GPC6: variants seen among roughly 807,000 people sequenced by gnomAD.
GPC6 encodes the protein glypican 6, also known as glypican-6.
A neutral mutation model predicts 55.2 loss-of-function variants in GPC6; 14 were observed. That is an observed-to-expected ratio of 0.25 (90% confidence interval 0.17 to 0.40). GPC6 has a LOEUF of 0.40. GPC6 is among the 10% of genes least tolerant of loss of function. The pLI is 1.00. For synonymous variants in GPC6, 278 were observed against 259.6 expected (o/e 1.07, Z -0.68); for missense variants, 641 against 708.5 (o/e 0.90, Z 1.08).
intron 3 of GPC6, among the ~76,000 whole-genome samples, chr13:93,894,852 T>C (rs1190383461): frequency 6.6e-6 from 1 of 152,050 alleles, no homozygotes; most frequent in Non-Finnish European, 1.5e-5. Context: ...ACAACTAGTA[T>C]GTAAAATGAT....
chr13:94,113,033 A>G (rs1886306597), intron 4 of GPC6, among the ~76,000 whole-genome samples: 1 of 152,136 alleles, frequency 6.6e-6, no homozygotes, highest in Non-Finnish European at 1.5e-5. Flanking sequence ...AGAGCCTGTC[A>G]TAAAATGTTT....
chr13:93,922,278 G>A (rs1309659991), intron 3 of GPC6, among the ~76,000 whole-genome samples: 4 of 152,088 alleles, frequency 2.6e-5, no homozygotes, highest in Admixed American at 2.6e-4. Flanking sequence ...TCTAGTGGTT[G>A]CAGAGTGTCA....
At chr13:94,108,974 G>T (rs1209671452) in intron 4 of GPC6, among the ~76,000 whole-genome samples, 2 of 152,020 alleles carry the variant, frequency 1.3e-5, no homozygotes, top group Non-Finnish European at 2.9e-5. Context: ...TCTTCAACCA[G>T]CAGAAAATCC....
chr13:93,536,212 T>A (rs1252416188), intron 1 of GPC6, among the ~76,000 whole-genome samples: 2 of 152,150 alleles, frequency 1.3e-5, no homozygotes, highest in East Asian at 3.9e-4. Flanking sequence ...TTTCAATTTT[T>A]TACTTTTTAA....
At chr13:93,650,523 C>A (rs983458963) in intron 2 of GPC6, among the ~76,000 whole-genome samples, 5 of 151,810 alleles carry the variant, frequency 3.3e-5, no homozygotes, top group African/African-American at 1.2e-4. Flanking sequence ...CTTTCTAACA[C>A]ACTGGGAACA....
At chr13:93,285,743 G>A in intron 1 of GPC6, among the ~76,000 whole-genome samples, 1 of 151,178 alleles carries the variant, frequency 6.6e-6, no homozygotes, top group East Asian at 1.9e-4. Context: ...GCAAAACTCA[G>A]GATAGCTTTT....
intron 2 of GPC6, among the ~76,000 whole-genome samples, chr13:93,725,637 A>ACTGTG (rs1184876042): frequency 6.6e-6 from 1 of 152,012 alleles, no homozygotes; most frequent in Non-Finnish European, 1.5e-5. Flanking sequence ...CAGCCCCAAG[A>ACTGTG]CTGTGCATTA....
intron 3 of GPC6, chr13:94,025,534 C>T (rs1882865230): frequency 1.3e-5 from 2 of 152,038 alleles, no homozygotes; most frequent in South Asian, 4.2e-4. Flanking sequence ...CTAACCTGGC[C>T]CAACCCTCCT....
intron 1 of GPC6, among the ~76,000 whole-genome samples, chr13:93,333,453 T>G (rs1238329345): frequency 6.6e-6 from 1 of 152,152 alleles, no homozygotes; most frequent in Non-Finnish European, 1.5e-5. Flanking sequence ...TGATTTTTTT[T>G]GTAACTATTG....
intron 2 of GPC6, among the ~76,000 whole-genome samples, chr13:93,666,807 A>G (rs1444612415): frequency 6.6e-6 from 1 of 152,198 alleles, no homozygotes; most frequent in African/African-American, 2.4e-5. Context: ...TCATTTTTAA[A>G]GGAGCTGGTC....
intron 3 of GPC6, among the ~76,000 whole-genome samples, chr13:93,864,007 T>C (rs998487997): frequency 2.6e-5 from 4 of 151,676 alleles, no homozygotes; most frequent in African/African-American, 9.7e-5. Flanking sequence ...CTTGCCTTTG[T>C]AGGGAACACT....
chr13:93,808,081 T>C (rs1886591448), intron 2 of GPC6, among the ~76,000 whole-genome samples: 1 of 152,200 alleles, frequency 6.6e-6, no homozygotes, highest in African/African-American at 2.4e-5. Flanking sequence ...CTAGTGTCTG[T>C]ATAATACAAA....
chr13:94,348,579 C>A (rs1398667914), intron 6 of GPC6, among the ~76,000 whole-genome samples: 1 of 152,142 alleles, frequency 6.6e-6, no homozygotes, highest in Non-Finnish European at 1.5e-5. Flanking sequence ...CCTGGAATTT[C>A]TTCCCTTTCT....
intron 1 of GPC6, among the ~76,000 whole-genome samples, chr13:93,325,917 C>A (rs1879636965): frequency 6.6e-6 from 1 of 152,010 alleles, no homozygotes; most frequent in Admixed American, 6.6e-5. Context: ...TGCATGGTTA[C>A]CACTTTTATT....
At chr13:93,237,849 C>T (rs1275775804) in intron 1 of GPC6, among the ~76,000 whole-genome samples, 2 of 152,078 alleles carry the variant, frequency 1.3e-5, no homozygotes, top group African/African-American at 4.8e-5. Context: ...ATGTTTTTGT[C>T]TGCTTTGTCA....
intron 2 of GPC6, among the ~76,000 whole-genome samples, chr13:93,647,264 G>A (rs2139594163): frequency 6.6e-6 from 1 of 152,180 alleles, no homozygotes; most frequent in African/African-American, 2.4e-5. Flanking sequence ...TAATATGGAT[G>A]TTTCTCTTTT....
chr13:93,238,233 A>G (rs1374596874), intron 1 of GPC6, among the ~76,000 whole-genome samples: 1 of 152,068 alleles, frequency 6.6e-6, no homozygotes, highest in Non-Finnish European at 1.5e-5. Flanking sequence ...TGTGATCTAC[A>G]GTTTCTTTCC....
chr13:93,925,438 A>C (rs1277336576), intron 3 of GPC6, among the ~76,000 whole-genome samples: 1 of 152,190 alleles, frequency 6.6e-6, no homozygotes, highest in African/African-American at 2.4e-5. Flanking sequence ...TGTAGCATGA[A>C]AAATTTGAGT....
intron 1 of GPC6, among the ~76,000 whole-genome samples, chr13:93,264,788 A>G (rs929411351): frequency 2.6e-5 from 4 of 152,158 alleles, no homozygotes; most frequent in Non-Finnish European, 5.9e-5. Context: ...ATATTTTAAA[A>G]TTGTATTATT....
Sources: gnomAD v4.1 joint callset for allele counts (sites outside exome capture counted in the v4.1 genomes callset) on GRCh38, gnomAD v4.1.1 for gene constraint, MANE v1.5 for transcripts, NCBI Gene and HGNC (gene_info 2026-07-23, HGNC 2026-07-21) for gene names.